The following PTPRS variants were observed in gnomAD, a reference collection of about 807,000 sequenced individuals.
PTPRS encodes the protein receptor-type tyrosine-protein phosphatase S.
A neutral mutation model predicts 215.3 loss-of-function variants in PTPRS; 63 were observed. The ratio of observed to expected loss-of-function variants is 0.29; its 90% confidence interval spans 0.24 to 0.36. The LOEUF (loss-of-function observed/expected upper bound fraction) is 0.36, where lower values mean the gene tolerates loss of function less well. PTPRS is among the 10% of genes least tolerant of loss of function. PTPRS has a pLI of 1.00. For synonymous variants in PTPRS, 1,404 were observed against 1,191.4 expected, an observed-to-expected ratio of 1.18 and a Z score of -3.68; for missense variants, 2,258 against 2,825.8, an observed-to-expected ratio of 0.80 and a Z score of 4.56.
chr19:5,216,681 G>A (rs1346136468), intron 26 of PTPRS, 39 bp downstream of exon 26: 10 of 1,467,518 alleles, frequency 6.8e-6, no homozygotes, highest in Admixed American at 2.0e-5. Flanking sequence ...GAACGGGGGC[G>A]GGGGCGAAAG....
intron 4 of PTPRS, among the ~76,000 whole-genome samples, chr19:5,271,195 A>G (rs1357760580): frequency 6.6e-6 from 1 of 152,198 alleles, no homozygotes; most frequent in East Asian, 1.9e-4. Flanking sequence ...TGCAGGTGAC[A>G]GGTGGAACCC....
chr19:5,213,488 T>C (rs975288289), intron 30 of PTPRS, among the ~76,000 whole-genome samples: 6 of 152,218 alleles, frequency 3.9e-5, no homozygotes, highest in African/African-American at 1.4e-4. Flanking sequence ...CTCCACTTTA[T>C]TTTTCTCCTT....
chr19:5,260,987 G>A (rs995257375), intron 6 of PTPRS, among the ~76,000 whole-genome samples, 165 bp from the exon 7 acceptor site: 7 of 152,144 alleles, frequency 4.6e-5, no homozygotes, highest in African/African-American at 1.4e-4. Flanking sequence ...GCTTTGCTGA[G>A]GAAGCTAGGA....
chr19:5,328,853 C>A (rs1350752291), intron 1 of PTPRS, among the ~76,000 whole-genome samples: 1 of 152,148 alleles, frequency 6.6e-6, no homozygotes, highest in Non-Finnish European at 1.5e-5. Context: ...CTCCCTGCAA[C>A]ATCACCCACT....
chr19:5,223,351 G>A, intron 17 of PTPRS, 54 bp from the exon 18 acceptor site: 3 of 1,407,342 alleles, frequency 2.1e-6, no homozygotes, highest in South Asian at 1.6e-5. Flanking sequence ...CCAGCCCAGA[G>A]GCACAAGGTG....
At chr19:5,215,166 C>G in intron 28 of PTPRS, 123 bp downstream of exon 28, 1 of 1,319,480 alleles carries the variant, frequency 7.6e-7, no homozygotes, top group Non-Finnish European at 1.1e-6. Flanking sequence ...CAGTGGCCTC[C>G]AGTTGGAGCT....
chr19:5,258,306 C>A (rs1568497187), intron 7 of PTPRS, among the ~76,000 whole-genome samples, 179 bp from the exon 8 acceptor site: 1 of 152,166 alleles, frequency 6.6e-6, no homozygotes, highest in African/African-American at 2.4e-5. Context: ...AACCTCCACC[C>A]CCACATCTAG....
At chr19:5,330,676 CA>C (rs1488750998) in intron 1 of PTPRS, among the ~76,000 whole-genome samples, 2 of 152,208 alleles carry the variant, frequency 1.3e-5, no homozygotes, top group Admixed American at 1.3e-4. Context: ...AACTGAGGCT[CA>C]GGGGAAGGAA....
rs1482372021 is a variant in PTPRS, at chr19:5,206,114, G to A, written c.*660C>T. Among the ~76,000 whole-genome samples the A allele has an allele frequency of 1.4e-5, 2 of 147,948 alleles. No homozygotes were observed. Among genetic ancestry groups the A allele is most frequent in the African/African-American group, 2.5e-5 (1 of 40,080 alleles). The stretch of plus-strand genomic sequence containing the variant: ...AGGTACAGCCATGGGCCTGGCGTGC[G>A]CGTTTGCGAACGTAACTATCACACA... On this transcript the variant is annotated 3_prime_UTR_variant, in exon 38 of 38. Coordinates refer to ENST00000262963, the MANE Select transcript of PTPRS (RefSeq NM_002850.4).
rs747248153 is a variant in PTPRS at position 5,223,126 on chromosome 19, C to T, written c.2666G>A (p.Arg889His). 11 of 1,569,266 alleles carry T rather than the reference C, an allele frequency of 7.0e-6. No individual in the cohort carries two copies. In the East Asian group the frequency reaches 9.5e-5, roughly 13 times the overall value. The change falls in exon 18 of 38, where the codon CGC (arginine) becomes CAC (histidine). Residue 889 changes from arginine (R) to histidine (H), a missense_variant. Arg to His is a conservative substitution (Grantham distance 29). This residue lies in a region of PTPRS where 361 missense variants were observed against 332.6 expected (regional missense o/e 1.09). Transcript: ENST00000262963. Reference sequence around the variant, plus strand: ...CTTGTGCACGCCTGATGCCGTGTAGCGGTCCTCGGAGGGCGGGAACTCCAG... The same window carrying T: ...CTTGTGCACGCCTGATGCCGTGTAGTGGTCCTCGGAGGGCGGGAACTCCAG... ...ATLEFPPSED[R>H]YTASGVHKGA...
chr19:5,258,820 CT>C, intron 7 of PTPRS, among the ~76,000 whole-genome samples: 1 of 152,298 alleles, frequency 6.6e-6, no homozygotes, highest in African/African-American at 2.4e-5. Context: ...GGATCCAAGC[CT>C]TCTGGCCTGA....
intron 1 of PTPRS, among the ~76,000 whole-genome samples, chr19:5,289,773 G>T (rs556206783): frequency 6.6e-6 from 1 of 152,350 alleles, no homozygotes; most frequent in South Asian, 2.1e-4. Flanking sequence ...ACAGCATGAG[G>T]AAGAGCAAGG....
At chr19:5,325,947 T>C (rs1448020767) in intron 1 of PTPRS, among the ~76,000 whole-genome samples, 1 of 152,148 alleles carries the variant, frequency 6.6e-6, no homozygotes, top group Non-Finnish European at 1.5e-5. Flanking sequence ...TCAATAACAC[T>C]GGGACAGGCA....
intron 1 of PTPRS, among the ~76,000 whole-genome samples, chr19:5,300,410 G>C (rs1480082656): frequency 6.6e-6 from 1 of 152,106 alleles, no homozygotes; most frequent in Non-Finnish European, 1.5e-5. Flanking sequence ...CAGCAACAAA[G>C]GGGCCAGGTC....
In PTPRS at chr19:5,249,327, TAAAC is replaced by T. The variant is rs542926147; in HGVS notation, c.719-3286_719-3283del. Among the ~76,000 whole-genome samples, 530 of 152,008 alleles carry T rather than the reference TAAAC, an allele frequency of 3.5e-3. 5 individuals carry two copies. The highest frequency in any genetic ancestry group is 0.011 in the African/African-American group (444 of 41,418). On this transcript the variant is annotated intron_variant, in intron 9 of 37. Coordinates refer to ENST00000262963, the MANE Select transcript of PTPRS (RefSeq NM_002850.4). ...CTCCATCTCCAAATAAATAAATAAATAAACAAACAAACAAACAAACGAAATGGAA... is the reference window on the plus strand; with the variant it reads ...CTCCATCTCCAAATAAATAAATAAATAAACAAACAAACAAACGAAATGGAA...
At chr19:5,325,169 C>T (rs1568617027) in intron 1 of PTPRS, among the ~76,000 whole-genome samples, 1 of 152,210 alleles carries the variant, frequency 6.6e-6, no homozygotes, top group Non-Finnish European at 1.5e-5. Flanking sequence ...GCTGCCTGAG[C>T]ACCTGCCATC....
chr19:5,210,393 TCCATCA>T lies in PTPRS; in HGVS notation c.5487+70_5487+75del. On this transcript the variant is annotated intron_variant, in intron 35 of 37. Coordinates refer to ENST00000262963, the MANE Select transcript of PTPRS (RefSeq NM_002850.4). The surrounding 1 kb of genome is among the most constrained non-coding windows in gnomAD (Gnocchi z 4.5). ...TTATGCCTAACCCTTGGCCTTTGTATCCATCACCAACCAGGGCAGCCCTTTCCAGAT... is the reference window on the plus strand; with the variant it reads ...TTATGCCTAACCCTTGGCCTTTGTATCCAACCAGGGCAGCCCTTTCCAGAT... The T allele has an allele frequency of 6.3e-6, 10 of 1,597,260 alleles. No homozygotes were observed. Among genetic ancestry groups the T allele is most frequent in the Non-Finnish European group, 8.6e-6 (10 of 1,168,870 alleles).
intron 13 of PTPRS, among the ~76,000 whole-genome samples, chr19:5,235,623 T>C (rs760443469): frequency 6.6e-6 from 1 of 152,194 alleles, no homozygotes; most frequent in Non-Finnish European, 1.5e-5. Context: ...TTGCCACCCA[T>C]GTTTTGAGTA....
In PTPRS at chr19:5,295,324, C is replaced by T. The variant is rs1430591381; in HGVS notation, c.-94-9090G>A. Among the ~76,000 whole-genome samples, 1 of 152,228 alleles carries T rather than the reference C, an allele frequency of 6.6e-6. No homozygotes were observed. The highest frequency in any genetic ancestry group is 2.4e-5 in the African/African-American group (1 of 41,456). On this transcript the variant is annotated intron_variant, in intron 1 of 37. Coordinates refer to ENST00000262963, the MANE Select transcript of PTPRS (RefSeq NM_002850.4). The surrounding 1 kb of genome is among the most constrained non-coding windows in gnomAD (Gnocchi z 4.6). ...GGGACGGCAGACAAGGGCTTGCCAG[C>T]CGCTTCCCAGCCAGTCCTGCCCTCT...
Sources: allele counts gnomAD v4.1 joint callset (sites outside exome capture counted in the v4.1 genomes callset), GRCh38; gene constraint gnomAD v4.1.1; regional missense constraint gnomAD v4.1.1; non-coding constraint Gnocchi (gnomAD v3.1); transcripts MANE v1.5; gene names NCBI Gene and HGNC (gene_info 2026-07-23, HGNC 2026-07-21).